Variants in HPSE2 observed in about 807,000 individuals in gnomAD.
HPSE2 encodes heparanase 2 (inactive), also known as inactive heparanase-2.
Under a neutral mutation model 60.5 loss-of-function variants are expected in HPSE2, and 38 were observed. The ratio of observed to expected loss-of-function variants is 0.63; its 90% confidence interval spans 0.48 to 0.82. HPSE2 has a LOEUF of 0.82. Ranked by LOEUF, HPSE2 falls within the 40% of genes least tolerant of loss-of-function variation. The probability of loss-of-function intolerance (pLI) is 0.00; values close to 1 mark genes in which losing one functional copy is unlikely to be tolerated. For missense variants in HPSE2, 713 were observed against 740.4 expected (o/e 0.96, Z 0.43); for synonymous variants, 295 against 293.2 (o/e 1.01, Z -0.06).
the HPSE2 span, among the ~76,000 whole-genome samples, chr10:99,293,491 G>C: frequency 3.9e-5 from 6 of 152,286 alleles, 1 homozygote; most frequent in East Asian, 7.7e-4. Context: ...AAATTTCTGA[G>C]AAGATTGTGT....
At chr10:98,993,416 T>C (rs1441986300) in intron 3 of HPSE2, among the ~76,000 whole-genome samples, 1 of 152,252 alleles carries the variant, frequency 6.6e-6, no homozygotes, top group Non-Finnish European at 1.5e-5. Flanking sequence ...CTTCAAAGTT[T>C]AGGCATGTCC....
At chr10:99,133,380 G>A (rs958526344) in intron 3 of HPSE2, among the ~76,000 whole-genome samples, 2 of 152,174 alleles carry the variant, frequency 1.3e-5, no homozygotes, top group African/African-American at 4.8e-5. Flanking sequence ...CACAGCATTC[G>A]AGCTCTGCTA....
chr10:98,483,958 C>T (rs1057022727), intron 10 of HPSE2, among the ~76,000 whole-genome samples: 1 of 152,176 alleles, frequency 6.6e-6, no homozygotes, highest in African/African-American at 2.4e-5. Flanking sequence ...ACTAATTTTG[C>T]TCCCACCTGC....
At chr10:98,931,255 G>C (rs1954633331) in intron 3 of HPSE2, among the ~76,000 whole-genome samples, 2 of 143,624 alleles carry the variant, frequency 1.4e-5, no homozygotes, top group South Asian at 4.2e-4. Context: ...TTTTTGTCAG[G>C]TCTGTCAAAG....
upstream of HPSE2, among the ~76,000 whole-genome samples, chr10:99,238,249 C>T (rs994535061): frequency 6.6e-6 from 1 of 152,132 alleles, no homozygotes; most frequent in African/African-American, 2.4e-5. Flanking sequence ...AATTTGAATA[C>T]GTATATCCAC....
rs560311613 is a variant in HPSE2, at chr10:98,949,072, G to A, written c.610+195166C>T. Among the ~76,000 whole-genome samples the A allele has an allele frequency of 8.9e-4, 136 of 152,122 alleles. 1 individual carries two copies. Among genetic ancestry groups the A allele is most frequent in the African/African-American group, 3.0e-3 (124 of 41,514 alleles). ...GGGAGTTGGTGCCCCCTCAACTCCC[G>A]TGTTTTCAGGGGTCAACTGTAGTCT... On this transcript the variant is annotated intron_variant, in intron 3 of 11. Transcript: ENST00000370552.
rs138266493 is a variant in HPSE2 at position 98,910,213 on chromosome 10, G to C, written c.611-166157C>G. Among the ~76,000 whole-genome samples, 4 of 152,318 alleles carry C rather than the reference G, an allele frequency of 2.6e-5. No individual in the cohort carries two copies. In the East Asian group the frequency reaches 7.7e-4, roughly 29 times the overall value. On this transcript the variant is annotated intron_variant, in intron 3 of 11. Transcript: ENST00000370552. The stretch of plus-strand genomic sequence containing the variant: ...ACTGACAGTTGTGAGGGAGGGGCTA[G>C]TACTTCTGGTGCCCAGGGTGGAGAT...
chr10:99,115,401 G>A (rs1283580800), intron 3 of HPSE2, among the ~76,000 whole-genome samples: 2 of 151,898 alleles, frequency 1.3e-5, no homozygotes, highest in Admixed American at 6.6e-5. Flanking sequence ...TGATCCGCCC[G>A]CCTTGGCCTC....
At chr10:98,592,575 C>T (rs905461613) in intron 9 of HPSE2, among the ~76,000 whole-genome samples, 3 of 152,148 alleles carry the variant, frequency 2.0e-5, no homozygotes, top group Non-Finnish European at 4.4e-5. Context: ...AAGACCTGCT[C>T]CTTCTCAGTC....
intron 3 of HPSE2, among the ~76,000 whole-genome samples, chr10:98,967,929 T>C (rs1290164241): frequency 6.6e-6 from 1 of 152,058 alleles, no homozygotes; most frequent in East Asian, 1.9e-4. Flanking sequence ...CCCTGGGGAA[T>C]ACTAGAAAAA....
At chr10:98,755,460 C>T (rs11516929) in intron 3 of HPSE2, among the ~76,000 whole-genome samples, 75,125 of 151,802 alleles carry the variant, frequency 0.49, 20,962 homozygotes, top group South Asian at 0.75. Flanking sequence ...ATTAGATCAT[C>T]GAGGCAGAAA....
chr10:99,046,224 C>G (rs537357048), intron 3 of HPSE2, among the ~76,000 whole-genome samples: 15 of 152,134 alleles, frequency 9.9e-5, no homozygotes, highest in African/African-American at 2.6e-4. Context: ...GAATTAAAAG[C>G]AAAAACCATA....
At chr10:98,614,026 A>ATAAGTTGACGC (rs1052897839) in intron 9 of HPSE2, among the ~76,000 whole-genome samples, 1 of 152,030 alleles carries the variant, frequency 6.6e-6, no homozygotes, top group African/African-American at 2.4e-5. Flanking sequence ...TCTTTCCTAG[A>ATAAGTTGACGC]TAAGTTGACG....
chr10:99,225,680 G>C, intron 2 of HPSE2, among the ~76,000 whole-genome samples: 1 of 152,022 alleles, frequency 6.6e-6, no homozygotes. Flanking sequence ...AGGGAAGATG[G>C]GAGAGAGCAA....
At chr10:99,032,345 T>C (rs1231887472) in intron 3 of HPSE2, among the ~76,000 whole-genome samples, 2 of 151,930 alleles carry the variant, frequency 1.3e-5, no homozygotes, top group African/African-American at 4.8e-5. Flanking sequence ...AAACTATGAG[T>C]ACATGAAAAT....
intron 6 of HPSE2, among the ~76,000 whole-genome samples, chr10:98,644,825 G>C (rs1946725952): frequency 6.6e-6 from 1 of 152,182 alleles, no homozygotes; most frequent in African/African-American, 2.4e-5. Flanking sequence ...GGCTTAAGCA[G>C]TTTAGCCTAT....
At chr10:98,594,491 T>C (rs1251748835) in intron 9 of HPSE2, among the ~76,000 whole-genome samples, 4 of 152,124 alleles carry the variant, frequency 2.6e-5, no homozygotes, top group Admixed American at 2.0e-4. Context: ...TATAAGATCA[T>C]GTCATCTGCA....
chr10:99,235,925 C>A, upstream of HPSE2: 1 of 747,352 alleles, frequency 1.3e-6, no homozygotes, highest in Non-Finnish European at 2.4e-6. Context: ...CACCACCCCC[C>A]CAACACACAC....
chr10:98,721,984 A>G (rs1406783991), intron 4 of HPSE2, among the ~76,000 whole-genome samples, 156 bp from the exon 5 acceptor site: 1 of 151,880 alleles, frequency 6.6e-6, no homozygotes, highest in Admixed American at 6.6e-5. Context: ...GAACCACCCA[A>G]ACAAAAAAAG....
Sources: gnomAD v4.1 joint callset for allele counts (sites outside exome capture counted in the v4.1 genomes callset) on GRCh38, gnomAD v4.1.1 for gene constraint, MANE v1.5 for transcripts, NCBI Gene and HGNC (gene_info 2026-07-23, HGNC 2026-07-21) for gene names.